Variants in SORCS1 observed in about 807,000 individuals in gnomAD.
SORCS1 encodes sortilin related VPS10 domain containing receptor 1.
SORCS1 carries 60 observed loss-of-function variants against 146.1 expected under a neutral mutation model. The ratio of observed to expected loss-of-function variants is 0.41; its 90% CI spans 0.33 to 0.51. SORCS1 has a LOEUF of 0.51. SORCS1 is among the 20% of genes least tolerant of loss of function. The pLI, the probability that SORCS1 is intolerant of heterozygous loss-of-function variation, is 0.21. For missense variants in SORCS1, 1,352 were observed against 1,487.6 expected, an observed-to-expected ratio of 0.91 and a Z score of 1.50; for synonymous variants, 637 against 584.0, an observed-to-expected ratio of 1.09 and a Z score of -1.31.
the SORCS1 span, among the ~76,000 whole-genome samples, chr10:107,170,076 G>A: frequency 6.6e-6 from 1 of 152,004 alleles, no homozygotes; most frequent in East Asian, 1.9e-4. Context: ...TGTATTATTA[G>A]ATTTTTGAAA....
chr10:106,772,753 C>T (rs1183942346), intron 4 of SORCS1, among the ~76,000 whole-genome samples: 1 of 152,090 alleles, frequency 6.6e-6, no homozygotes, highest in African/African-American at 2.4e-5. Flanking sequence ...GAAAGGAACA[C>T]CTGTTCAACA....
At chr10:107,117,445 C>A (rs1966112841) in intron 1 of SORCS1, among the ~76,000 whole-genome samples, 1 of 152,158 alleles carries the variant, frequency 6.6e-6, no homozygotes, top group Non-Finnish European at 1.5e-5. Context: ...GGCCAGAAAG[C>A]CTCTTCTCAA....
intron 3 of SORCS1, among the ~76,000 whole-genome samples, chr10:106,800,311 T>C (rs1284650188): frequency 2.6e-5 from 4 of 152,136 alleles, no homozygotes; most frequent in African/African-American, 4.8e-5. Context: ...AATAAAAAAG[T>C]ATATGCTAAG....
At chr10:107,167,525 T>G (rs1258295226), upstream of SORCS1, among the ~76,000 whole-genome samples, 1 of 152,140 alleles carries the variant, frequency 6.6e-6, no homozygotes, top group Non-Finnish European at 1.5e-5. Context: ...TCATCTGGAC[T>G]ACCACAACAG....
Position 106,911,846 on chromosome 10 carries a change from C to T in SORCS1, c.626+44667G>A, listed in dbSNP as rs116921133. Reference sequence around the variant, plus strand: ...GCTGCTCAGGGACTGGGTGTGGTGGCTCACGCCTGTGATCCCAGAACTTTG... The same window carrying T: ...GCTGCTCAGGGACTGGGTGTGGTGGTTCACGCCTGTGATCCCAGAACTTTG... On this transcript the variant is annotated intron_variant, in intron 2 of 25. Coordinates refer to ENST00000263054, the MANE Select transcript of SORCS1 (RefSeq NM_052918.5). 2.8e-3 allele frequency among the ~76,000 whole-genome samples: 421 copies of T among 152,254 alleles called. 23 individuals carry two copies. In the East Asian group the frequency reaches 0.066, roughly 24 times the overall value.
chr10:107,028,406 G>A (rs1462815430), intron 1 of SORCS1, among the ~76,000 whole-genome samples: 1 of 152,186 alleles, frequency 6.6e-6, no homozygotes. Flanking sequence ...AACCTTGCCA[G>A]ACTTGGTTTC....
intron 5 of SORCS1, among the ~76,000 whole-genome samples, chr10:106,733,425 T>C (rs1279221818): frequency 6.6e-6 from 1 of 152,216 alleles, no homozygotes; most frequent in East Asian, 1.9e-4. Context: ...GAGTTCTTAA[T>C]TGCTGAGGCC....
chr10:107,156,541 G>T (rs998967290), intron 1 of SORCS1, among the ~76,000 whole-genome samples: 1 of 152,196 alleles, frequency 6.6e-6, no homozygotes, highest in Non-Finnish European at 1.5e-5. Flanking sequence ...AGATAGAGTT[G>T]TCCCTGATAT....
chr10:106,806,293 G>A (rs1186903072), intron 3 of SORCS1, among the ~76,000 whole-genome samples: 6 of 150,890 alleles, frequency 4.0e-5, no homozygotes, highest in South Asian at 2.1e-4. Flanking sequence ...GCTTGAACCC[G>A]GGAGGCAGAG....
chr10:107,013,377 G>A (rs903046897), intron 1 of SORCS1, among the ~76,000 whole-genome samples: 8 of 152,162 alleles, frequency 5.3e-5, no homozygotes, highest in Middle Eastern at 3.4e-3. Context: ...GAACTCCACT[G>A]AGCACTGAGA....
In SORCS1 at chr10:106,883,974, T is replaced by C. The variant is rs550510090; in HGVS notation, c.627-54301A>G. Among the ~76,000 whole-genome samples, 4 of 152,292 alleles carry C rather than the reference T, an allele frequency of 2.6e-5. No individual in the cohort carries two copies. In the East Asian group the frequency reaches 7.7e-4, roughly 29 times the overall value. ...TAGCTAGAGTTCTGAGCCAATAGAT[T>C]GTTATTTTTTTTGCTGAGAACATAA... On this transcript the variant is annotated intron_variant, in intron 2 of 25. Transcript: ENST00000263054.
At chr10:106,927,805 T>C (rs1953142752) in intron 2 of SORCS1, among the ~76,000 whole-genome samples, 1 of 151,734 alleles carries the variant, frequency 6.6e-6, no homozygotes, top group African/African-American at 2.4e-5. Context: ...CACAGGGTAC[T>C]GATTGGTGTG....
At chr10:106,818,178 G>A (rs1364342691) in intron 3 of SORCS1, among the ~76,000 whole-genome samples, 1 of 152,020 alleles carries the variant, frequency 6.6e-6, no homozygotes, top group East Asian at 1.9e-4. Context: ...GTTCTGACTG[G>A]CCAGTAGTAC....
intron 2 of SORCS1, among the ~76,000 whole-genome samples, chr10:106,877,093 T>C (rs1052772332): frequency 6.6e-6 from 1 of 152,218 alleles, no homozygotes; most frequent in Non-Finnish European, 1.5e-5. Flanking sequence ...TCTGAAAACA[T>C]TTCAACTCTT....
chr10:106,932,144 G>A (rs962929208), intron 2 of SORCS1, among the ~76,000 whole-genome samples: 5 of 152,046 alleles, frequency 3.3e-5, no homozygotes, highest in Admixed American at 3.3e-4. Context: ...CTGATGTTAT[G>A]TGAATTTTTA....
intron 1 of SORCS1, among the ~76,000 whole-genome samples, chr10:107,034,677 T>A (rs1272251153): frequency 1.2e-4 from 3 of 24,598 alleles, no homozygotes; most frequent in Non-Finnish European, 1.5e-4. Context: ...CGAAACTCCA[T>A]CTCAAAAAAA....
At chr10:106,840,500 T>TG (rs1164246519) in intron 2 of SORCS1, among the ~76,000 whole-genome samples, 3 of 115,786 alleles carry the variant, frequency 2.6e-5, no homozygotes, top group Non-Finnish European at 3.6e-5. Context: ...TGGAATATAT[T>TG]CCGGTGAATG....
intron 2 of SORCS1, among the ~76,000 whole-genome samples, chr10:106,933,064 A>G (rs1473805962): frequency 6.6e-6 from 1 of 152,222 alleles, no homozygotes; most frequent in African/African-American, 2.4e-5. Context: ...TGCAAAAGAG[A>G]TTACATGTAG....
At chr10:107,022,240 G>T (rs1248707886) in intron 1 of SORCS1, among the ~76,000 whole-genome samples, 4 of 152,098 alleles carry the variant, frequency 2.6e-5, no homozygotes. Flanking sequence ...TTCTTCCAAA[G>T]AACTCTGGTG....
Sources: gnomAD v4.1 joint callset for allele counts (sites outside exome capture counted in the v4.1 genomes callset) on GRCh38, gnomAD v4.1.1 for gene constraint, MANE v1.5 for transcripts, NCBI Gene and HGNC (gene_info 2026-07-23, HGNC 2026-07-21) for gene names.